Variants in CD44 observed in about 807,000 individuals in gnomAD.
The protein encoded by CD44 is CD44 molecule (IN blood group).
CD44 carries 49 observed loss-of-function variants against 88.8 expected under a neutral mutation model. That is an observed-to-expected ratio of 0.55 (90% CI 0.44 to 0.70). The LOEUF is 0.70. CD44 is among the 30% of genes least tolerant of loss of function. CD44 has a pLI of 0.00. For synonymous variants in CD44, 325 were observed against 312.3 expected, an observed-to-expected ratio of 1.04 and a Z score of -0.43; for missense variants, 883 against 913.8, an observed-to-expected ratio of 0.97 and a Z score of 0.43.
chr11:35,196,122 T>C (rs1176935276), intron 5 of CD44, among the ~76,000 whole-genome samples: 1 of 152,220 alleles, frequency 6.6e-6, no homozygotes, highest in African/African-American at 2.4e-5. Context: ...AATCATAAAC[T>C]CTCAGGTTTG....
chr11:35,176,187 C>T (rs28675257), intron 1 of CD44, among the ~76,000 whole-genome samples: 10 of 152,036 alleles, frequency 6.6e-5, no homozygotes, highest in Non-Finnish European at 7.4e-5. Context: ...GGACTACAGG[C>T]GCCCGCCACC....
At chr11:35,143,036 G>A (rs1858313605) in intron 1 of CD44, among the ~76,000 whole-genome samples, 1 of 152,076 alleles carries the variant, frequency 6.6e-6, no homozygotes, top group African/African-American at 2.4e-5. Flanking sequence ...GGTGGGGAGG[G>A]TGTGGTCTAC....
chr11:35,153,252 A>G (rs1451806570), intron 1 of CD44, among the ~76,000 whole-genome samples: 1 of 152,204 alleles, frequency 6.6e-6, no homozygotes, highest in Non-Finnish European at 1.5e-5. Flanking sequence ...GATCAGGACA[A>G]GAAGACTTGG....
chr11:35,208,058 T>A (rs1189864025), intron 11 of CD44, 47 bp from the exon 12 acceptor site: 1 of 1,132,994 alleles, frequency 8.8e-7, no homozygotes, highest in South Asian at 1.2e-5. Flanking sequence ...CACCTTCAGG[T>A]AGTGGTTTGG....
intron 1 of CD44, among the ~76,000 whole-genome samples, chr11:35,155,882 C>T (rs976161262): frequency 5.3e-5 from 8 of 152,140 alleles, no homozygotes; most frequent in African/African-American, 1.9e-4. Flanking sequence ...GAAGTGTTTT[C>T]GGTTCCATTA....
chr11:35,151,460 G>A (rs1045720135), intron 1 of CD44, among the ~76,000 whole-genome samples: 1 of 152,190 alleles, frequency 6.6e-6, no homozygotes, highest in African/African-American at 2.4e-5. Context: ...GGCAATTTAA[G>A]TGAATCCCAA....
chr11:35,153,499 T>C (rs1202781303), intron 1 of CD44, among the ~76,000 whole-genome samples: 1 of 152,210 alleles, frequency 6.6e-6, no homozygotes, highest in Non-Finnish European at 1.5e-5. Context: ...TGAGCAATTT[T>C]GTGAGTTGAG....
chr11:35,183,174 G>A (rs769288416), intron 3 of CD44, among the ~76,000 whole-genome samples: 6 of 152,054 alleles, frequency 3.9e-5, no homozygotes, highest in Non-Finnish European at 7.4e-5. Flanking sequence ...AAATTGACTC[G>A]ATATTGATGG....
chr11:35,194,840 A>G (rs1724310929), intron 5 of CD44, among the ~76,000 whole-genome samples: 1 of 152,256 alleles, frequency 6.6e-6, no homozygotes, highest in African/African-American at 2.4e-5. Context: ...ATGAAAAACT[A>G]CAAATGAATG....
chr11:35,166,370 G>A (rs1359382451), intron 1 of CD44, among the ~76,000 whole-genome samples: 1 of 152,228 alleles, frequency 6.6e-6, no homozygotes, highest in Non-Finnish European at 1.5e-5. Context: ...GAAAGACTCT[G>A]TTGGATCCAG....
Position 35,180,316 on chromosome 11 carries a change from C to T in CD44, c.276C>T (p.His92=). 6.2e-7 allele frequency: 1 copy of T among 1,614,108 alleles called. No homozygotes were observed. The highest frequency in any genetic ancestry group is 1.3e-5 in the African/African-American group (1 of 75,028). Residue 92 remains histidine (H), a synonymous_variant, in exon 3 of 18, where the codon CAC becomes CAT. Coordinates refer to ENST00000428726, the MANE Select transcript of CD44 (RefSeq NM_000610.4). ...IEGHVVIPRI[H]PNSICAANNT... is the part of the protein sequence containing the mutation. ...GGCACGTGGTGATTCCCCGGATCCACCCCAACTCCATCTGTGCAGCAAACA... is the reference window on the plus strand; with the variant it reads ...GGCACGTGGTGATTCCCCGGATCCATCCCAACTCCATCTGTGCAGCAAACA...
chr11:35,223,048 T>A lies in CD44; in HGVS notation c.2024+1316T>A, dbSNP rs563341665. Reference sequence around the variant, plus strand: ...GTTACAATAATTACGCTGGTACAAGTTAATAAAAGTGCCATGTTACAGTCA... The same window carrying A: ...GTTACAATAATTACGCTGGTACAAGATAATAAAAGTGCCATGTTACAGTCA... On this transcript the variant is annotated intron_variant, in intron 17 of 17. Transcript: ENST00000428726. The A allele has an allele frequency of 7.0e-5, 69 of 985,408 alleles. No individual in the cohort carries two copies. In the East Asian group the frequency reaches 6.8e-3, roughly 97 times the overall value. 61.0% of individuals were successfully genotyped at this position (985,408 alleles called of 1,614,324 possible). A position where few individuals can be genotyped will look rare whatever the true frequency, so the allele number is the denominator to read the frequency against.
chr11:35,162,252 C>T (rs139797519), intron 1 of CD44, among the ~76,000 whole-genome samples: 7 of 152,120 alleles, frequency 4.6e-5, no homozygotes, highest in Non-Finnish European at 8.8e-5. Flanking sequence ...CCCAGTTGTT[C>T]CCACCCTGAT....
chr11:35,163,923 C>G (rs1942959702), intron 1 of CD44, among the ~76,000 whole-genome samples: 1 of 152,098 alleles, frequency 6.6e-6, no homozygotes, highest in Non-Finnish European at 1.5e-5. Context: ...GCACCTCTCT[C>G]AGCCTCAGTT....
intron 3 of CD44, among the ~76,000 whole-genome samples, chr11:35,185,056 A>G (rs1945521664): frequency 6.6e-6 from 1 of 152,242 alleles, no homozygotes; most frequent in Non-Finnish European, 1.5e-5. Context: ...GGAGGGAGGC[A>G]GGTAGCAGAA....
Position 35,206,102 on chromosome 11 carries a change from A to G in CD44, c.1283-10A>G. The G allele has an allele frequency of 1.3e-6, 2 of 1,595,438 alleles. No homozygotes were observed. Among genetic ancestry groups the G allele is most frequent in the Non-Finnish European group, 1.7e-6 (2 of 1,173,402 alleles). On this transcript the variant is annotated splice_polypyrimidine_tract_variant and intron_variant, in intron 10 of 17. Transcript: ENST00000428726. ...ACACTTTGACAATTGCTCAAACTGC[A>G]TGGTCACAGCAGCCTCAGCTCATAC...
chr11:35,208,015 A>G (rs948769374), intron 11 of CD44, 90 bp from the exon 12 acceptor site: 5 of 760,460 alleles, frequency 6.6e-6, no homozygotes, highest in East Asian at 2.5e-5. Context: ...GCCAGATGTG[A>G]ATATTTAAAA....
At chr11:35,219,477 C>A in intron 16 of CD44, 90 bp downstream of exon 16, 1 of 867,850 alleles carries the variant, frequency 1.2e-6, no homozygotes, top group Non-Finnish European at 1.9e-6. Flanking sequence ...TTTGAAAGCA[C>A]ATTCTCCACA....
chr11:35,180,189 AC>A, intron 2 of CD44, 84 bp from the exon 3 acceptor site: 1 of 1,373,868 alleles, frequency 7.3e-7, no homozygotes, highest in Non-Finnish European at 1.0e-6. Context: ...GAAGTGTTGC[AC>A]GGCATTAAAT....
Sources: gnomAD v4.1 joint callset for allele counts (sites outside exome capture counted in the v4.1 genomes callset) on GRCh38, gnomAD v4.1.1 for gene constraint, MANE v1.5 for transcripts, NCBI Gene and HGNC (gene_info 2026-07-23, HGNC 2026-07-21) for gene names.